GPR143: variants seen among roughly 807,000 people sequenced by gnomAD.
GPR143 encodes the protein G-protein coupled receptor 143.
Under a neutral mutation model 27.6 loss-of-function variants are expected in GPR143, and 8 were observed. The observed-to-expected ratio is 0.29, with a 90% CI of 0.17 to 0.52. GPR143 has a LOEUF of 0.52. Ranked by LOEUF, GPR143 falls within the 20% of genes least tolerant of loss-of-function variation. The pLI, the probability that GPR143 is intolerant of heterozygous loss-of-function variation, is 0.96. For synonymous variants in GPR143, 156 were observed against 153.2 expected (o/e 1.02, Z -0.13); for missense variants, 303 against 343.1 (o/e 0.88, Z 0.92).
intron 3 of GPR143, 124 bp from the exon 4 acceptor site, chrX:9,748,790 A>G (rs2083439598): frequency 2.0e-6 from 1 of 508,711 alleles, no homozygotes; most frequent in African/African-American, 2.3e-5. Flanking sequence ...GCCCCTCGGC[A>G]AAGAGTTTCC....
chrX:9,738,515 C>G (rs192785880), intron 8 of GPR143: 3 of 742,919 alleles, frequency 4.0e-6, no homozygotes. Context: ...CCAGACAGTA[C>G]GGTATCATGG....
chrX:9,747,009 TAAAAAAAA>T (rs56761188), intron 4 of GPR143, among the ~76,000 whole-genome samples: 3 of 37,629 alleles, frequency 8.0e-5, no homozygotes, highest in African/African-American at 1.6e-4. Context: ...GCAGAAAATG[TAAAAAAAA>T]AAAAAAAAAA....
intron 8 of GPR143, among the ~76,000 whole-genome samples, chrX:9,731,801 G>C (rs11095518): frequency 3.2e-5 from 3 of 93,389 alleles, no homozygotes; most frequent in Non-Finnish European, 4.2e-5. Flanking sequence ...AGGAATTGGG[G>C]GGGGGGGGAA....
intron 7 of GPR143, chrX:9,740,863 C>A: frequency 3.4e-6 from 1 of 291,179 alleles, no homozygotes; most frequent in Non-Finnish European, 6.0e-6. Context: ...TGGTCTGAAG[C>A]ATTCCTTCAA....
At chrX:9,769,211 A>G (rs2146708163), upstream of GPR143, among the ~76,000 whole-genome samples, 1 of 111,539 alleles carries the variant, frequency 9.0e-6, no homozygotes, top group South Asian at 3.8e-4. Context: ...CCTCCTTCCC[A>G]GTTTAGCACC....
At chrX:9,731,279 G>A (rs1173886988) in intron 8 of GPR143, among the ~76,000 whole-genome samples, 1 of 111,219 alleles carries the variant, frequency 9.0e-6, no homozygotes, top group African/African-American at 3.3e-5. Flanking sequence ...TGAGGCAGGA[G>A]AATCGCTTGA....
rs1485753351 is a variant in GPR143, at chrX:9,730,670, G to A, written c.1121-4830C>T. On this transcript the variant is annotated intron_variant, in intron 8 of 8. Transcript: ENST00000467482. Reference sequence around the variant, plus strand: ...AGGTAAGGGGCCTTGCCATTGGGAGGTGGCTGGTCTAACAGCTTACTAGAA... The same window carrying A: ...AGGTAAGGGGCCTTGCCATTGGGAGATGGCTGGTCTAACAGCTTACTAGAA... Among the ~76,000 whole-genome samples the A allele has an allele frequency of 6.2e-5, 7 of 112,195 alleles. No homozygotes were observed. In the South Asian group the frequency reaches 2.2e-3, roughly 36 times the overall value.
At chrX:9,741,225 G>A (rs2083402453) in intron 7 of GPR143, 113 bp downstream of exon 7, 5 of 428,685 alleles carry the variant, frequency 1.2e-5, no homozygotes. Flanking sequence ...TAAGGCTGCA[G>A]TGAGCTATGA....
Position 9,765,841 on chromosome X carries a change from C to T in GPR143, c.-24G>A, listed in dbSNP as rs1275621599. The T allele has an allele frequency of 2.8e-6, 3 of 1,064,020 alleles. No individual in the cohort carries two copies. The highest frequency in any genetic ancestry group is 3.4e-5 in the Admixed American group (1 of 29,802). 87.7% of individuals were successfully genotyped at this position (1,064,020 alleles called of 1,213,427 possible). A position where few individuals can be genotyped will look rare whatever the true frequency, so the allele number is the denominator to read the frequency against. On this transcript the variant is annotated 5_prime_UTR_variant, in exon 1 of 9. Transcript: ENST00000467482. ...ATGGGCTGTGTTCGCGGACGCGGCT[C>T]GGGTGTGCCAGGACCCCGCCGGCCT...
chrX:9,745,385 A>G (rs1399078498), intron 5 of GPR143, among the ~76,000 whole-genome samples: 1 of 111,834 alleles, frequency 8.9e-6, no homozygotes, highest in Non-Finnish European at 1.9e-5. Flanking sequence ...TCTTCAAAGG[A>G]CCTCTCAGTT....
chrX:9,736,901 G>A (rs1359504807), intron 8 of GPR143, among the ~76,000 whole-genome samples: 1 of 111,901 alleles, frequency 8.9e-6, no homozygotes. Flanking sequence ...CCAATAGACT[G>A]TGAGATCCTT....
intron 8 of GPR143, among the ~76,000 whole-genome samples, chrX:9,739,195 C>T (rs773221589): frequency 8.0e-5 from 9 of 112,672 alleles, no homozygotes; most frequent in South Asian, 3.7e-4. Context: ...TTAGCTCAGA[C>T]AACATCTGGA....
intron 3 of GPR143, among the ~76,000 whole-genome samples, chrX:9,749,215 G>A (rs1037934448): frequency 2.0e-5 from 2 of 99,802 alleles, no homozygotes; most frequent in African/African-American, 9.9e-5. Flanking sequence ...GGTTTTATAA[G>A]GGGATTTCCC....
chrX:9,757,700 G>A (rs1334141569), intron 3 of GPR143, among the ~76,000 whole-genome samples: 4 of 111,277 alleles, frequency 3.6e-5, no homozygotes, highest in Non-Finnish European at 5.7e-5. Flanking sequence ...GTGAATACAC[G>A]AAAAACCACT....
At position 9,753,731 on chromosome X, in the gene GPR143, G is replaced by A. The variant is rs181824167; in HGVS notation, c.456-5065C>T. Among the ~76,000 whole-genome samples, 10 of 111,701 alleles carry A rather than the reference G, an allele frequency of 9.0e-5. No individual in the cohort carries two copies. The East Asian group carries it at 2.3e-3, about 25-fold the overall frequency. Reference sequence around the variant, plus strand: ...AATACCTGGCTCACCCGATAAGCAAGGAGCTCCTATCCCCAAGCCCTTCCA... The same window carrying A: ...AATACCTGGCTCACCCGATAAGCAAAGAGCTCCTATCCCCAAGCCCTTCCA... On this transcript the variant is annotated intron_variant, in intron 3 of 8. Transcript: ENST00000467482.
At chrX:9,752,307 A>G (rs1187907144) in intron 3 of GPR143, among the ~76,000 whole-genome samples, 1 of 111,606 alleles carries the variant, frequency 9.0e-6, no homozygotes, top group Non-Finnish European at 1.9e-5. Context: ...GGCTCAAGCA[A>G]TCCTCCCATC....
chrX:9,761,019 CAT>C, intron 1 of GPR143, among the ~76,000 whole-genome samples, 193 bp from the exon 2 acceptor site: 1 of 111,235 alleles, frequency 9.0e-6, no homozygotes, highest in Non-Finnish European at 1.9e-5. Flanking sequence ...GAAGAAAAAA[CAT>C]ACATATTTGT....
chrX:9,745,001 C>T (rs749739628), intron 5 of GPR143, among the ~76,000 whole-genome samples: 22 of 111,861 alleles, frequency 2.0e-4, no homozygotes, highest in South Asian at 7.5e-4. Flanking sequence ...CCTGTAATCC[C>T]GGCACTTTGG....
At chrX:9,739,251 G>T (rs2083391541) in intron 8 of GPR143, among the ~76,000 whole-genome samples, 1 of 112,122 alleles carries the variant, frequency 8.9e-6, no homozygotes, top group South Asian at 3.7e-4. Flanking sequence ...CTGAGACACT[G>T]GTTGTGAACT....
Sources: allele counts gnomAD v4.1 joint callset (sites outside exome capture counted in the v4.1 genomes callset), GRCh38; gene constraint gnomAD v4.1.1; transcripts MANE v1.5; gene names NCBI Gene and HGNC (gene_info 2026-07-23, HGNC 2026-07-21).